CTNNA3: variants seen among roughly 807,000 people sequenced by gnomAD.
The protein encoded by CTNNA3 is catenin alpha 3, also known as catenin alpha-3.
CTNNA3 carries 76 observed loss-of-function variants against 95.7 expected under a neutral mutation model. The observed-to-expected ratio is 0.79, with a 90% CI of 0.66 to 0.96. CTNNA3 has a LOEUF of 0.96. Among genes scored for constraint, CTNNA3 ranks in the 40% least tolerant of loss-of-function variants. CTNNA3 has a pLI of 0.00. For synonymous variants in CTNNA3, 431 were observed against 374.4 expected (o/e 1.15, Z -1.74); for missense variants, 1,191 against 1,089.8 (o/e 1.09, Z -1.31).
At chr10:66,274,818 C>T (rs1047206924) in intron 13 of CTNNA3, among the ~76,000 whole-genome samples, 2 of 152,086 alleles carry the variant, frequency 1.3e-5, no homozygotes, top group Non-Finnish European at 2.9e-5. Context: ...ATCTGTAAGT[C>T]AATCTGGGAA....
chr10:67,036,671 T>C (rs1410995021), intron 7 of CTNNA3, among the ~76,000 whole-genome samples: 1 of 152,104 alleles, frequency 6.6e-6, no homozygotes, highest in Non-Finnish European at 1.5e-5. Context: ...GGGTTTTATT[T>C]TTAAGAGTAT....
chr10:66,058,995 G>A (rs1248664212), intron 15 of CTNNA3, among the ~76,000 whole-genome samples: 2 of 152,074 alleles, frequency 1.3e-5, no homozygotes, highest in Non-Finnish European at 2.9e-5. Context: ...ATGTTTCAGG[G>A]GCACCTGAAT....
intron 7 of CTNNA3, among the ~76,000 whole-genome samples, chr10:66,994,193 G>T (rs1851200927): frequency 1.3e-5 from 2 of 152,006 alleles, no homozygotes; most frequent in Non-Finnish European, 2.9e-5. Context: ...TAATGTAAAG[G>T]AGCAACTACC....
intron 13 of CTNNA3, among the ~76,000 whole-genome samples, chr10:66,246,417 C>A (rs1361211518): frequency 6.6e-6 from 1 of 152,018 alleles, no homozygotes; most frequent in Non-Finnish European, 1.5e-5. Flanking sequence ...GAGCTCCTGC[C>A]CCATCTTGCA....
chr10:65,959,001 C>T (rs1187601977), intron 17 of CTNNA3, among the ~76,000 whole-genome samples: 5 of 152,224 alleles, frequency 3.3e-5, no homozygotes, highest in East Asian at 1.9e-4. Flanking sequence ...GTGAAGTCTA[C>T]AGAGGCAGGC....
intron 13 of CTNNA3, among the ~76,000 whole-genome samples, chr10:66,150,915 A>G (rs182210042): frequency 2.6e-5 from 4 of 152,182 alleles, no homozygotes; most frequent in Non-Finnish European, 5.9e-5. Flanking sequence ...ATTATTTTTA[A>G]TAAGGGATGG....
chr10:66,175,393 C>G (rs1399342575), intron 13 of CTNNA3, among the ~76,000 whole-genome samples: 1 of 152,130 alleles, frequency 6.6e-6, no homozygotes, highest in Non-Finnish European at 1.5e-5. Flanking sequence ...CTATAAAATA[C>G]CATTTCAGAG....
At chr10:67,019,783 T>G (rs554823791) in intron 7 of CTNNA3, among the ~76,000 whole-genome samples, 1 of 152,286 alleles carries the variant, frequency 6.6e-6, no homozygotes, top group East Asian at 1.9e-4. Flanking sequence ...TTGTCCTATT[T>G]GACTTTTGAT....
intron 16 of CTNNA3, among the ~76,000 whole-genome samples, chr10:65,969,402 A>G (rs1253567490): frequency 6.6e-6 from 1 of 152,218 alleles, no homozygotes; most frequent in Non-Finnish European, 1.5e-5. Flanking sequence ...AACATACCAT[A>G]CTAGTTCTCC....
intron 9 of CTNNA3, among the ~76,000 whole-genome samples, chr10:66,623,311 G>C (rs945904856): frequency 3.3e-5 from 5 of 152,124 alleles, no homozygotes; most frequent in African/African-American, 1.2e-4. Context: ...CAAATTAGAA[G>C]AATGCTGGTT....
At chr10:66,706,469 C>G (rs1217207075) in intron 9 of CTNNA3, among the ~76,000 whole-genome samples, 3 of 151,448 alleles carry the variant, frequency 2.0e-5, no homozygotes, top group Admixed American at 6.6e-5. Context: ...CCAAAGACAG[C>G]AATTTCTCTC....
At chr10:67,155,501 T>C (rs1861270184) in intron 7 of CTNNA3, among the ~76,000 whole-genome samples, 1 of 145,494 alleles carries the variant, frequency 6.9e-6, no homozygotes, top group Non-Finnish European at 1.5e-5. Flanking sequence ...TACATGTATA[T>C]ACTATGTATA....
At chr10:67,020,216 A>G (rs934392115) in intron 7 of CTNNA3, among the ~76,000 whole-genome samples, 1 of 152,216 alleles carries the variant, frequency 6.6e-6, no homozygotes, top group African/African-American at 2.4e-5. Context: ...GCCAATCTTT[A>G]AAATATCATC....
intron 10 of CTNNA3, among the ~76,000 whole-genome samples, chr10:66,581,829 T>C (rs1414874460): frequency 3.3e-5 from 5 of 151,700 alleles, no homozygotes; most frequent in Non-Finnish European, 5.9e-5. Flanking sequence ...AATTTTTGTA[T>C]CTAGTGAGAG....
intron 5 of CTNNA3, among the ~76,000 whole-genome samples, chr10:67,258,943 C>T (rs2132383744): frequency 6.6e-6 from 1 of 152,276 alleles, no homozygotes; most frequent in South Asian, 2.1e-4. Context: ...TACACACCTC[C>T]TCTCATATCC....
intron 1 of CTNNA3, among the ~76,000 whole-genome samples, chr10:67,731,349 C>A (rs537322823): frequency 6.6e-6 from 1 of 152,038 alleles, no homozygotes; most frequent in African/African-American, 2.4e-5. Flanking sequence ...GACACCCTGT[C>A]TCTACTAAAA....
chr10:66,547,339 C>CTTACTTTTT (rs1842065949), intron 10 of CTNNA3, among the ~76,000 whole-genome samples: 1 of 9,582 alleles, frequency 1.0e-4, no homozygotes, highest in African/African-American at 2.2e-4. Context: ...TTTGATTTTT[C>CTTACTTTTT]TTTCTTTCTT....
At chr10:66,650,107 C>T (rs989865837) in intron 9 of CTNNA3, among the ~76,000 whole-genome samples, 1 of 152,108 alleles carries the variant, frequency 6.6e-6, no homozygotes, top group Non-Finnish European at 1.5e-5. Flanking sequence ...CAAATAGACC[C>T]AACAGACATA....
chr10:67,763,566 G>A (rs1349024330), exon 1 of CTNNA3, among the ~76,000 whole-genome samples: 1 of 152,170 alleles, frequency 6.6e-6, no homozygotes, highest in Non-Finnish European at 1.5e-5. Flanking sequence ...CTAGTAAAAG[G>A]CCTTCTGTTA....
Sources: gnomAD v4.1 joint callset for allele counts (sites outside exome capture counted in the v4.1 genomes callset) on GRCh38, gnomAD v4.1.1 for gene constraint, MANE v1.5 for transcripts, NCBI Gene and HGNC (gene_info 2026-07-23, HGNC 2026-07-21) for gene names.